The following TANC2 variants were observed in gnomAD, a reference collection of about 807,000 sequenced individuals.
TANC2 encodes the protein tetratricopeptide repeat, ankyrin repeat and coiled-coil containing 2, also known as protein TANC2.
Under a neutral mutation model 210.5 loss-of-function variants are expected in TANC2, and 26 were observed. The ratio of observed to expected loss-of-function variants is 0.12; its 90% CI spans 0.09 to 0.17. The LOEUF (loss-of-function observed/expected upper bound fraction) is 0.17. Ranked by LOEUF, TANC2 falls within the 10% of genes least tolerant of loss-of-function variation. TANC2 has a pLI of 1.00. For synonymous variants in TANC2, 931 were observed against 967.1 expected (o/e 0.96, Z 0.69); for missense variants, 2,129 against 2,608.9 (o/e 0.82, Z 4.01).
In TANC2 at chr17:63,377,857, T is replaced by C. The variant is rs755740379; in HGVS notation, c.2583-1861T>C. On this transcript the variant is annotated intron_variant, in intron 14 of 27. Coordinates refer to ENST00000689528, the Ensembl canonical transcript of TANC2. ...GGCTGGGGAGGCTTCAGGAAACTTA[T>C]CATGGCAGAAGGCACCTCTTCACAA... 3.9e-5 allele frequency among the ~76,000 whole-genome samples: 6 copies of C among 152,316 alleles called. No individual in the cohort carries two copies. The East Asian group carries it at 5.8e-4, about 15-fold the overall frequency.
chr17:63,131,879 G>A lies in TANC2; in HGVS notation c.323-19391G>A, dbSNP rs116399472. On this transcript the variant is annotated intron_variant, in intron 4 of 27. Transcript: ENST00000689528. ...CAAGATTTGAAAGCTATTGAATGCA[G>A]GAGCAGAACCTCCTCAATAGGATTT... 5.5e-3 allele frequency among the ~76,000 whole-genome samples: 839 copies of A among 152,224 alleles called. 7 individuals are homozygous for A. The highest frequency in any genetic ancestry group is 0.018 in the African/African-American group (749 of 41,534).
chr17:63,233,473 T>A (rs956353267), intron 7 of TANC2, among the ~76,000 whole-genome samples: 1 of 152,150 alleles, frequency 6.6e-6, no homozygotes, highest in African/African-American at 2.4e-5. Flanking sequence ...GGGTGGGAGC[T>A]CCCCTTGCCC....
At chr17:63,041,124 A>T (rs952246647) in intron 2 of TANC2, among the ~76,000 whole-genome samples, 3 of 152,164 alleles carry the variant, frequency 2.0e-5, no homozygotes, top group Admixed American at 6.6e-5. Flanking sequence ...CATAGTACTC[A>T]TATTGTATAT....
intron 2 of TANC2, among the ~76,000 whole-genome samples, chr17:63,038,250 C>A (rs2035052553): frequency 6.6e-6 from 1 of 152,102 alleles, no homozygotes; most frequent in Non-Finnish European, 1.5e-5. Flanking sequence ...TAAAAAAATA[C>A]TTTTTCTCTG....
At chr17:63,128,128 T>C (rs1489789873) in intron 4 of TANC2, among the ~76,000 whole-genome samples, 10 of 152,196 alleles carry the variant, frequency 6.6e-5, no homozygotes, top group Admixed American at 5.9e-4. Context: ...AGGAAAATTA[T>C]GTTAAAAGCT....
At chr17:63,232,711 G>T (rs530525779) in intron 7 of TANC2, among the ~76,000 whole-genome samples, 1 of 152,228 alleles carries the variant, frequency 6.6e-6, no homozygotes, top group African/African-American at 2.4e-5. Flanking sequence ...ACCCCTGTTG[G>T]GGGTTCTCAC....
chr17:63,169,523 A>G (rs1473052512), intron 5 of TANC2, among the ~76,000 whole-genome samples: 2 of 152,092 alleles, frequency 1.3e-5, no homozygotes, highest in Non-Finnish European at 2.9e-5. Flanking sequence ...CAGTTCTTTA[A>G]TGCTTTAAGA....
At chr17:63,335,259 A>G (rs2045986825) in intron 11 of TANC2, among the ~76,000 whole-genome samples, 1 of 152,188 alleles carries the variant, frequency 6.6e-6, no homozygotes, top group Non-Finnish European at 1.5e-5. Flanking sequence ...ATCATGAGAA[A>G]ACATCAGACA....
chr17:63,376,814 CTTTTTTTTTTTT>C (rs771564600), intron 14 of TANC2, among the ~76,000 whole-genome samples: 2 of 125,974 alleles, frequency 1.6e-5, no homozygotes, highest in Admixed American at 8.0e-5. Flanking sequence ...CCACTGTACT[CTTTTTTTTTTTT>C]TTTTTTTTTT....
intron 3 of TANC2, among the ~76,000 whole-genome samples, chr17:63,091,544 G>A (rs1364871796): frequency 2.0e-5 from 3 of 152,024 alleles, no homozygotes; most frequent in Non-Finnish European, 4.4e-5. Flanking sequence ...TATTTCTGAG[G>A]GCTCTGTTCT....
At chr17:63,257,284 TG>T (rs1027168781) in intron 8 of TANC2, among the ~76,000 whole-genome samples, 5 of 152,148 alleles carry the variant, frequency 3.3e-5, no homozygotes, top group Admixed American at 2.0e-4. Context: ...TTTAATTTCT[TG>T]CTTTTTATTT....
intron 12 of TANC2, among the ~76,000 whole-genome samples, chr17:63,350,421 A>G (rs984718000): frequency 6.6e-6 from 1 of 152,186 alleles, no homozygotes; most frequent in South Asian, 2.1e-4. Flanking sequence ...TGAATCTCTA[A>G]TTGTTGAACC....
At chr17:63,305,893 G>A (rs73325727) in intron 9 of TANC2, among the ~76,000 whole-genome samples, 11,039 of 152,244 alleles carry the variant, frequency 0.073, 1,267 homozygotes, top group African/African-American at 0.24. Flanking sequence ...TGTGAAGACT[G>A]CCTTGTCTGC....
chr17:63,300,899 A>G (rs1459443328), intron 9 of TANC2, among the ~76,000 whole-genome samples: 2 of 152,160 alleles, frequency 1.3e-5, no homozygotes, highest in African/African-American at 2.4e-5. Context: ...ATTCAGTATG[A>G]TATCAGCTGT....
chr17:63,068,602 G>A (rs1169976998), intron 2 of TANC2, among the ~76,000 whole-genome samples: 4 of 152,004 alleles, frequency 2.6e-5, no homozygotes, highest in African/African-American at 9.7e-5. Context: ...TCATACAGTG[G>A]AATACTAGAG....
chr17:63,410,507 A>G (rs183321161), intron 21 of TANC2, among the ~76,000 whole-genome samples: 10 of 152,198 alleles, frequency 6.6e-5, no homozygotes, highest in Admixed American at 5.9e-4. Context: ...ATCGTGATCA[A>G]TGACAAACAT....
At chr17:63,302,282 GTC>G (rs1159065639) in intron 9 of TANC2, among the ~76,000 whole-genome samples, 2 of 152,122 alleles carry the variant, frequency 1.3e-5, no homozygotes, top group Non-Finnish European at 2.9e-5. Flanking sequence ...TTCTGTAGAT[GTC>G]TATCACGTCC....
rs981210525 is a variant in TANC2 at position 63,105,067 on chromosome 17, C to G, written c.322+5710C>G. ...AGAGATGTGGGTATTGAGTGTTTAT[C>G]AGCTATGTCAAATATGTGTTCTGAG... On this transcript the variant is annotated intron_variant, in intron 4 of 27. Transcript: ENST00000689528. Among the ~76,000 whole-genome samples the G allele has an allele frequency of 5.9e-5, 9 of 151,642 alleles. 1 individual carries two copies. The highest frequency in any genetic ancestry group is 2.2e-4 in the African/African-American group (9 of 40,956).
intron 2 of TANC2, among the ~76,000 whole-genome samples, chr17:63,036,984 A>G (rs903112967): frequency 6.6e-6 from 1 of 152,032 alleles, no homozygotes; most frequent in Non-Finnish European, 1.5e-5. Flanking sequence ...TTTTACACAT[A>G]CATAGGTACC....
Sources: gnomAD v4.1 joint callset for allele counts (sites outside exome capture counted in the v4.1 genomes callset) on GRCh38, gnomAD v4.1.1 for gene constraint, MANE v1.5 for transcripts, NCBI Gene and HGNC (gene_info 2026-07-23, HGNC 2026-07-21) for gene names.